Variants in PTP4A3 observed in about 807,000 individuals in gnomAD.
PTP4A3 encodes protein tyrosine phosphatase 4A3.
In PTP4A3, 9 loss-of-function variants were observed where a neutral mutation model predicts 15.2. The observed-to-expected ratio is 0.59, with a 90% confidence interval of 0.36 to 1.03. The LOEUF is 1.03. Ranked by LOEUF, PTP4A3 falls within the 50% of genes least tolerant of loss-of-function variation. PTP4A3 has a pLI of 0.02. For missense variants in PTP4A3, 234 were observed against 252.1 expected (o/e 0.93, Z 0.49); for synonymous variants, 95 against 102.0 (o/e 0.93, Z 0.41).
intron 1 of PTP4A3, among the ~76,000 whole-genome samples, chr8:141,394,618 T>A (rs1237507571): frequency 3.9e-5 from 6 of 152,162 alleles, no homozygotes; most frequent in Non-Finnish European, 4.4e-5. Flanking sequence ...TTTCCACACC[T>A]GTAAAATGGG....
Position 141,431,151 on chromosome 8 carries a change from T to A in PTP4A3, c.*107T>A, listed in dbSNP as rs981256110. Reference sequence around the variant, plus strand: ...CCAGCCCAGCAGGGGCTCCAGGCCTTGGCTGGCCCCACATCGCCTTTTCCT... The same window carrying A: ...CCAGCCCAGCAGGGGCTCCAGGCCTAGGCTGGCCCCACATCGCCTTTTCCT... On this transcript the variant is annotated 3_prime_UTR_variant, in exon 6 of 6. Transcript: ENST00000521578. The A allele has an allele frequency of 9.2e-6, 10 of 1,085,110 alleles. No individual in the cohort carries two copies. In the African/African-American group the frequency reaches 1.6e-4, roughly 17 times the overall value. The allele number at this position is 1,085,110 out of a possible 1,614,324, so 67.2% of individuals were successfully genotyped here.
chr8:141,401,618 A>G (rs1216545098), intron 1 of PTP4A3, among the ~76,000 whole-genome samples: 4 of 151,920 alleles, frequency 2.6e-5, no homozygotes, highest in Non-Finnish European at 5.9e-5. Flanking sequence ...AGCCATCTGG[A>G]GGCCTTGTTT....
chr8:141,424,984 G>C (rs1023295373), intron 2 of PTP4A3, 64 bp from the exon 3 acceptor site: 18 of 1,394,878 alleles, frequency 1.3e-5, no homozygotes, highest in African/African-American at 5.7e-5. Flanking sequence ...CTGGTGAGTG[G>C]GTCCTGCCCC....
At chr8:141,412,693 C>T (rs993118573) in intron 1 of PTP4A3, among the ~76,000 whole-genome samples, 1 of 152,232 alleles carries the variant, frequency 6.6e-6, no homozygotes, top group African/African-American at 2.4e-5. Context: ...CCTCCCACAG[C>T]GAGCTCGCCC....
intron 1 of PTP4A3, among the ~76,000 whole-genome samples, chr8:141,404,245 G>C (rs1167094271): frequency 3.9e-5 from 6 of 152,284 alleles, no homozygotes; most frequent in Non-Finnish European, 7.3e-5. Flanking sequence ...CACGTTGAAA[G>C]CAACAGTGTT....
chr8:141,431,196 T>G lies in PTP4A3; in HGVS notation c.*152T>G. The G allele has an allele frequency of 1.4e-6, 1 of 701,572 alleles. No individual in the cohort carries two copies. 43.5% of individuals were successfully genotyped at this position (701,572 alleles called of 1,614,324 possible). The stretch of plus-strand genomic sequence containing the variant: ...TTTCCTCCCCGACACCTCCGTGCAC[T>G]TGTGTCCGAGGAGCGAGGAGCCCCT... On this transcript the variant is annotated 3_prime_UTR_variant, in exon 6 of 6. Coordinates refer to ENST00000521578, the MANE Select transcript of PTP4A3 (RefSeq NM_032611.3).
At chr8:141,416,312 C>G (rs1833053297) in intron 1 of PTP4A3, among the ~76,000 whole-genome samples, 1 of 152,046 alleles carries the variant, frequency 6.6e-6, no homozygotes, top group African/African-American at 2.4e-5. Context: ...GACCCAGCTC[C>G]AAATGTGGTT....
intron 1 of PTP4A3, among the ~76,000 whole-genome samples, chr8:141,417,514 G>T (rs80008998): frequency 6.6e-6 from 1 of 152,058 alleles, no homozygotes. Context: ...AGCTGGGCGC[G>T]CTCTGTCCAG....
At chr8:141,415,800 T>C (rs1458699869) in intron 1 of PTP4A3, among the ~76,000 whole-genome samples, 3 of 64,942 alleles carry the variant, frequency 4.6e-5, no homozygotes, top group Non-Finnish European at 6.5e-5. Context: ...TGGGATGGCA[T>C]GGGGGGATGT....
At chr8:141,396,717 G>A (rs1056310778) in intron 1 of PTP4A3, among the ~76,000 whole-genome samples, 6 of 152,184 alleles carry the variant, frequency 3.9e-5, no homozygotes, top group Admixed American at 2.0e-4. Flanking sequence ...CGGTGGCCTC[G>A]GGAAGGGCTA....
intron 1 of PTP4A3, among the ~76,000 whole-genome samples, chr8:141,402,570 G>A (rs574635853): frequency 3.8e-4 from 58 of 152,294 alleles, no homozygotes; most frequent in African/African-American, 1.3e-3. Flanking sequence ...GCGGCCTCGC[G>A]CCTGTCCCGG....
At chr8:141,420,374 CAA>C (rs1413876026) in intron 1 of PTP4A3, among the ~76,000 whole-genome samples, 3 of 152,156 alleles carry the variant, frequency 2.0e-5, no homozygotes, top group Non-Finnish European at 4.4e-5. Flanking sequence ...CATGGGGTAA[CAA>C]AGAGGCCGGC....
chr8:141,410,738 G>C (rs574761037), intron 1 of PTP4A3, among the ~76,000 whole-genome samples: 1 of 152,188 alleles, frequency 6.6e-6, no homozygotes, highest in African/African-American at 2.4e-5. Context: ...GCGAGGTTGA[G>C]GGATGTACCC....
intron 5 of PTP4A3, among the ~76,000 whole-genome samples, chr8:141,429,434 C>G (rs899878234): frequency 1.3e-5 from 2 of 152,266 alleles, no homozygotes; most frequent in Non-Finnish European, 2.9e-5. Context: ...AGCATCCTCT[C>G]CAGGAAGTCT....
At chr8:141,424,943 C>A in intron 2 of PTP4A3, 105 bp from the exon 3 acceptor site, 1 of 936,466 alleles carries the variant, frequency 1.1e-6, no homozygotes. Context: ...TCCTGGGTGA[C>A]TGTGGGGGAC....
rs532343148 is a variant in PTP4A3, at chr8:141,397,567, G to C, written c.-854+5483G>C. On this transcript the variant is annotated intron_variant, in intron 1 of 5. Coordinates refer to ENST00000521578, the MANE Select transcript of PTP4A3 (RefSeq NM_032611.3). Reference sequence around the variant, plus strand: ...CTCAGTTGGGAGTCCAGTGAGTCAGGAGGTGAAGGTGGGGTGCACGTCCCC... The same window carrying C: ...CTCAGTTGGGAGTCCAGTGAGTCAGCAGGTGAAGGTGGGGTGCACGTCCCC... Among the ~76,000 whole-genome samples, 206 of 152,328 alleles carry C rather than the reference G, an allele frequency of 1.4e-3. 1 individual carries two copies. The highest frequency in any genetic ancestry group is 7.9e-3 in the South Asian group (38 of 4,826).
In PTP4A3 at chr8:141,425,174, C is replaced by T. The variant is rs201793000; in HGVS notation, c.198+34C>T. On this transcript the variant is annotated intron_variant, in intron 3 of 5. Transcript: ENST00000521578. This position sits in a 1 kb window ranked among gnomAD's most constrained non-coding sequence, Gnocchi z 4.2. Reference sequence around the variant, plus strand: ...CGCGCCACGGGGACCCTAGTCACTGCTGCCACCGGGGGAGGGTGGGGCGGG... The same window carrying T: ...CGCGCCACGGGGACCCTAGTCACTGTTGCCACCGGGGGAGGGTGGGGCGGG... The T allele has an allele frequency of 6.1e-5, 58 of 946,414 alleles. No homozygotes were observed. In the Admixed American group the frequency reaches 1.1e-3, roughly 17 times the overall value. The allele number at this position is 946,414 out of a possible 1,614,324, so 58.6% of individuals were successfully genotyped here.
chr8:141,405,504 G>A (rs532934111), intron 1 of PTP4A3, among the ~76,000 whole-genome samples: 10 of 152,324 alleles, frequency 6.6e-5, no homozygotes, highest in East Asian at 3.9e-4. Flanking sequence ...GAATGGCTGC[G>A]GGCGGGTCTT....
intron 1 of PTP4A3, among the ~76,000 whole-genome samples, chr8:141,399,282 G>A (rs1354928485): frequency 6.6e-6 from 1 of 152,212 alleles, no homozygotes; most frequent in African/African-American, 2.4e-5. Flanking sequence ...GCCTGGTCCT[G>A]GGGCCCCTGC....
Sources: allele counts gnomAD v4.1 joint callset (sites outside exome capture counted in the v4.1 genomes callset), GRCh38; gene constraint gnomAD v4.1.1; non-coding constraint Gnocchi (gnomAD v3.1); transcripts MANE v1.5; gene names NCBI Gene and HGNC (gene_info 2026-07-23, HGNC 2026-07-21).